The following LRCH2 variants were observed in gnomAD, a reference collection of about 807,000 sequenced individuals.
LRCH2 encodes leucine rich repeats and calponin homology domain containing 2.
A neutral mutation model predicts 68.9 loss-of-function variants in LRCH2; 38 were observed. The ratio of observed to expected loss-of-function variants is 0.55; its 90% confidence interval spans 0.43 to 0.72. The LOEUF (loss-of-function observed/expected upper bound fraction) is 0.72. LRCH2 is among the 30% of genes least tolerant of loss of function. The pLI is 0.00. For missense variants in LRCH2, 528 were observed against 572.9 expected, an observed-to-expected ratio of 0.92 and a Z score of 0.80; for synonymous variants, 191 against 208.1, an observed-to-expected ratio of 0.92 and a Z score of 0.71.
chrX:115,112,984 A>G lies in LRCH2; in HGVS notation c.*232T>C. The G allele has an allele frequency of 4.1e-6, 1 of 244,765 alleles. No homozygotes were observed. The highest frequency in any genetic ancestry group is 6.6e-5 in the Admixed American group (1 of 15,211). 20.2% of individuals were successfully genotyped at this position (244,765 alleles called of 1,213,427 possible). ...ATCAAGATTATCAACTGACTTAGTAAAAAGAGAATTTGAGTTTATCAAATA... is the reference window on the plus strand; with the variant it reads ...ATCAAGATTATCAACTGACTTAGTAGAAAGAGAATTTGAGTTTATCAAATA... On this transcript the variant is annotated 3_prime_UTR_variant, in exon 21 of 21. Transcript: ENST00000317135.
At chrX:115,153,587 T>C (rs895899769) in intron 12 of LRCH2, among the ~76,000 whole-genome samples, 2 of 110,902 alleles carry the variant, frequency 1.8e-5, no homozygotes, top group Non-Finnish European at 1.9e-5. Context: ...CTTGTTATGG[T>C]ACACATAACA....
chrX:115,170,260 C>G, intron 6 of LRCH2, 39 bp downstream of exon 6: 3 of 1,112,322 alleles, frequency 2.7e-6, no homozygotes, highest in Non-Finnish European at 3.5e-6. Flanking sequence ...AAAGAGAAGA[C>G]AGCAATCATC....
intron 1 of LRCH2, chrX:115,191,553 A>C: frequency 8.9e-7 from 1 of 1,118,825 alleles, no homozygotes; most frequent in African/African-American, 1.9e-5. Flanking sequence ...GCTATGGAGG[A>C]GGCGGCCGCT....
In LRCH2 at chrX:115,191,602, G is replaced by A. The variant is rs781955764; in HGVS notation, c.350-3232C>T. On this transcript the variant is annotated intron_variant, in intron 1 of 20. Coordinates refer to ENST00000317135, the MANE Select transcript of LRCH2 (RefSeq NM_020871.4). ...AGGCCACTCGCTTGATGCCAACAGC[G>A]GAGGCCGCTCGCCTGACACCTACAG... 6.7e-5 allele frequency: 73 copies of A among 1,086,362 alleles called. 1 individual carries two copies. Among genetic ancestry groups the A allele is most frequent in the Admixed American group, 2.7e-4 (9 of 33,343 alleles). 89.5% of individuals were successfully genotyped at this position (1,086,362 alleles called of 1,213,427 possible).
intron 1 of LRCH2, among the ~76,000 whole-genome samples, chrX:115,211,762 C>G (rs2073008709): frequency 9.0e-6 from 1 of 110,912 alleles, no homozygotes; most frequent in Non-Finnish European, 1.9e-5. Flanking sequence ...CATCCACACA[C>G]CCCCCCAAGA....
chrX:115,128,826 C>T lies in LRCH2; in HGVS notation c.1740+1329G>A, dbSNP rs781841924. On this transcript the variant is annotated intron_variant, in intron 15 of 20. Transcript: ENST00000317135. ...TTCTCAACCTTGGCTGGACATTAAA[C>T]TCACATGGGAAACGTTAAAAACTTC... Among the ~76,000 whole-genome samples the T allele has an allele frequency of 2.0e-4, 22 of 111,905 alleles. No individual in the cohort carries two copies. The South Asian group carries it at 2.6e-3, about 13-fold the overall frequency.
At chrX:115,189,555 C>G in intron 1 of LRCH2, 2 of 1,176,617 alleles carry the variant, frequency 1.7e-6, no homozygotes, top group Non-Finnish European at 2.3e-6. Flanking sequence ...TCAAGGTGTT[C>G]CTGATGAAAG....
intron 1 of LRCH2, among the ~76,000 whole-genome samples, chrX:115,209,014 T>C (rs782231115): frequency 1.8e-5 from 2 of 112,168 alleles, no homozygotes; most frequent in Admixed American, 9.5e-5. Flanking sequence ...TTTGAACACA[T>C]CTTCATCATT....
Position 115,189,842 on chromosome X carries a change from C to T in LRCH2, c.350-1472G>A, listed in dbSNP as rs371173281. The T allele has an allele frequency of 3.4e-4, 400 of 1,166,180 alleles. No individual in the cohort carries two copies. The African/African-American group carries it at 4.1e-3, about 12-fold the overall frequency. On this transcript the variant is annotated intron_variant, in intron 1 of 20. Transcript: ENST00000317135. ...AGGCCTGATGACGGCCGCGGCTACG[C>T]GGGGTATTTCGACCTGTGGCCCTAC...
At chrX:115,118,347 T>C (rs186725318) in intron 20 of LRCH2, among the ~76,000 whole-genome samples, 1 of 109,771 alleles carries the variant, frequency 9.1e-6, no homozygotes, top group East Asian at 2.9e-4. Context: ...TCACCACTGA[T>C]CCCACAGAAA....
At chrX:115,179,878 T>C (rs782576705) in intron 3 of LRCH2, 127 bp from the exon 4 acceptor site, 2 of 211,877 alleles carry the variant, frequency 9.4e-6, no homozygotes, top group Non-Finnish European at 1.7e-5. Context: ...TCTAATGTCA[T>C]TGCTCTAAAG....
In LRCH2 at chrX:115,190,127, G is replaced by A. The variant is rs1218097651; in HGVS notation, c.350-1757C>T. The A allele has an allele frequency of 5.2e-6, 6 of 1,158,837 alleles. No homozygotes were observed. The East Asian group carries it at 1.6e-4, about 32-fold the overall frequency. On this transcript the variant is annotated intron_variant, in intron 1 of 20. Transcript: ENST00000317135. ...ATGCCTGGGAAGGCCCCGGCCGTGT[G>A]GGGGCAAGATGGCTACTCAGGCCCG...
At chrX:115,146,767 C>T (rs1187350761) in intron 14 of LRCH2, among the ~76,000 whole-genome samples, 1 of 109,440 alleles carries the variant, frequency 9.1e-6, no homozygotes, top group Non-Finnish European at 1.9e-5. Flanking sequence ...TAACCTGACC[C>T]AATTTGTGTT....
intron 1 of LRCH2, among the ~76,000 whole-genome samples, chrX:115,188,739 G>A (rs2147415769): frequency 9.0e-6 from 1 of 111,277 alleles, no homozygotes; most frequent in Admixed American, 9.5e-5. Context: ...GCTGAGGCAG[G>A]AGAATCGCTT....
chrX:115,233,631 C>A, intron 1 of LRCH2, 62 bp downstream of exon 1: 1 of 1,051,969 alleles, frequency 9.5e-7, no homozygotes, highest in Non-Finnish European at 1.3e-6. Flanking sequence ...CGCAGCCACG[C>A]AGCCACCCAC....
At chrX:115,208,831 T>TA (rs1463171762) in intron 1 of LRCH2, among the ~76,000 whole-genome samples, 3 of 112,037 alleles carry the variant, frequency 2.7e-5, no homozygotes, top group East Asian at 2.8e-4. Flanking sequence ...TCTCTCCTTT[T>TA]AAAAAAATCC....
At position 115,138,161 on chromosome X, in the gene LRCH2, C is replaced by T. The variant is rs141725586; in HGVS notation, c.1696-7962G>A. Among the ~76,000 whole-genome samples the T allele has an allele frequency of 8.1e-4, 86 of 106,199 alleles. 1 individual carries two copies. Among genetic ancestry groups the T allele is most frequent in the African/African-American group, 2.8e-3 (82 of 29,002 alleles). 92.2% of individuals were successfully genotyped at this position (106,199 alleles called of 115,157 possible). A position where few individuals can be genotyped will look rare whatever the true frequency, so the allele number is the denominator to read the frequency against. On this transcript the variant is annotated intron_variant, in intron 14 of 20. Coordinates refer to ENST00000317135, the MANE Select transcript of LRCH2 (RefSeq NM_020871.4). The stretch of plus-strand genomic sequence containing the variant: ...GCAGGTAATAGAAACTAGAATTCCC[C>T]GTCTCACAAAGCAAGCCATACAATC...
Position 115,150,097 on chromosome X carries a change from G to A in LRCH2, c.1530-27C>T, listed in dbSNP as rs782300690. Reference sequence around the variant, plus strand: ...TAAAAAATTGAAGATGCCTTAATACGTTAAAATATTTAGAATAAATCCTTA... The same window carrying A: ...TAAAAAATTGAAGATGCCTTAATACATTAAAATATTTAGAATAAATCCTTA... On this transcript the variant is annotated intron_variant, in intron 12 of 20. Coordinates refer to ENST00000317135, the MANE Select transcript of LRCH2 (RefSeq NM_020871.4). 519 of 1,020,486 alleles carry A rather than the reference G, an allele frequency of 5.1e-4. 3 individuals are homozygous for A. In the East Asian group the frequency reaches 0.017, roughly 33 times the overall value. The allele number at this position is 1,020,486 out of a possible 1,213,427, so 84.1% of individuals were successfully genotyped here.
intron 1 of LRCH2, among the ~76,000 whole-genome samples, chrX:115,219,301 C>G (rs1360994900): frequency 8.9e-6 from 1 of 111,777 alleles, no homozygotes; most frequent in East Asian, 2.8e-4. Context: ...ATTTACAGAG[C>G]AAGGACCATC....
Sources: allele counts gnomAD v4.1 joint callset (sites outside exome capture counted in the v4.1 genomes callset), GRCh38; gene constraint gnomAD v4.1.1; transcripts MANE v1.5; gene names NCBI Gene and HGNC (gene_info 2026-07-23, HGNC 2026-07-21).